Variants in TTN observed in about 807,000 individuals in gnomAD.
TTN encodes the protein titin.
In TTN, 1,525 loss-of-function variants were observed where a neutral mutation model predicts 3,223.0. The ratio of observed to expected loss-of-function variants is 0.47; its 90% CI spans 0.45 to 0.49. The LOEUF (loss-of-function observed/expected upper bound fraction) is 0.49, where lower values mean the gene tolerates loss of function less well. Among genes scored for constraint, TTN ranks in the 20% least tolerant of loss-of-function variants. The pLI is 0.00. For synonymous variants in TTN, 14,094 were observed against 15,161.0 expected (o/e 0.93, Z 5.17); for missense variants, 40,786 against 43,424.0 (o/e 0.94, Z 5.40).
Position 178,592,510 on chromosome 2 carries a change from C to T in TTN, c.59495G>A (p.Arg19832Lys), listed in dbSNP as rs1405596883. The T allele has an allele frequency of 6.2e-7, 1 of 1,613,494 alleles. No individual in the cohort carries two copies. The highest frequency in any genetic ancestry group is 8.5e-7 in the Non-Finnish European group (1 of 1,179,596). The change falls in exon 301 of 363, where the codon AGA becomes AAA. Residue 19832 changes from arginine (R) to lysine (K), a missense_variant. Transcript: ENST00000589042. ...KEDRDAPTKA[R>K]IDVTPVGSKL... ...GCTACCAACTGGAGTCACATCAATT[C>T]TTGCTTTAGTTGGAGCATCTCTGTC...
In TTN at chr2:178,560,736, C is replaced by T. The variant is rs878880701; in HGVS notation, c.85396G>A (p.Glu28466Lys). 3.1e-6 allele frequency: 5 copies of T among 1,613,740 alleles called. No individual in the cohort carries two copies. Among genetic ancestry groups the T allele is most frequent in the Non-Finnish European group, 3.4e-6 (4 of 1,179,804 alleles). Reference protein sequence around the residue: ...GPLEINGLTAEKCSLSWGRPQ... With the variant: ...GPLEINGLTAKKCSLSWGRPQ... ...CGTCCCCAGGAAAGAGAGCATTTCT[C>T]AGCAGTGAGGCCATTTATTTCAAGT... Residue 28466 changes from glutamate to lysine, a missense_variant, in exon 326 of 363, where the codon GAG becomes AAG. Transcript: ENST00000589042.
At position 178,636,781 on chromosome 2, in the gene TTN, G is replaced by A. The variant is rs771839127; in HGVS notation, c.40946C>T (p.Pro13649Leu). Residue 13649 changes from proline to leucine, a missense_variant, in exon 225 of 363, where the codon CCT becomes CTT. Pro to Leu is a moderately conservative substitution (Grantham distance 98). Transcript: ENST00000589042. The surrounding 1 kb of genome is among the most constrained non-coding windows in gnomAD (Gnocchi z 4.3). ...GPIKGVPKKT[P>L]SPIEAERRKL... ...TCTCCTTTCGGCTTCTATTGGTGAA[G>A]GAGTCTTTTTGGGTACACCTAATTC... The A allele has an allele frequency of 1.9e-6, 3 of 1,598,924 alleles. No homozygotes were observed. The highest frequency in any genetic ancestry group is 1.1e-5 in the South Asian group (1 of 89,020).
At position 178,575,180 on chromosome 2, in the gene TTN, ATGT is replaced by A. The variant is rs794729336; in HGVS notation, c.70949_70951del (p.Asn23650del). The A allele has an allele frequency of 3.7e-6, 6 of 1,612,710 alleles. No homozygotes were observed. The highest frequency in any genetic ancestry group is 5.1e-6 in the Non-Finnish European group (6 of 1,179,352). On this transcript the variant is annotated inframe_deletion, in exon 326 of 363. Coordinates refer to ENST00000589042, the MANE Select transcript of TTN (RefSeq NM_001267550.2). This position sits in a 1 kb window ranked among gnomAD's most constrained non-coding sequence, Gnocchi z 4.0. The stretch of plus-strand genomic sequence containing the variant: ...ACCGAGCACTGGAATTTCAACTTTG[ATGT>A]TGTCACCAGCTTTGGCAATGACCAG...
chr2:178,733,051 T>A lies in TTN; in HGVS notation c.16125A>T (p.Arg5375Ser). The stretch of plus-strand genomic sequence containing the variant: ...GGGAGCCTGCAATTTTGCAGTCCAG[T>A]CTGCAGGTACCATTAACAACACTAT... ...NVDSVVNGTC[R>S]LDCKIAGSLP... Residue 5375 changes from arginine (R) to serine (S), a missense_variant, in exon 55 of 363, where the codon AGA (arginine) becomes AGT (serine). Physicochemically the swap from Arg to Ser is moderately radical, Grantham distance 110 (BLOSUM62 -1). Transcript: ENST00000589042. 6.2e-7 allele frequency: 1 copy of A among 1,613,206 alleles called. No homozygotes were observed.
chr2:178,654,581 G>A, intron 191 of TTN, 47 bp from the exon 192 acceptor site: 1 of 1,419,484 alleles, frequency 7.0e-7, no homozygotes, highest in African/African-American at 1.6e-5. Flanking sequence ...GAAAATGATG[G>A]ATGCCTTTTG....
chr2:178,670,214 T>C lies in TTN; in HGVS notation c.35386+4A>G. On this transcript the variant is annotated splice_donor_region_variant and intron_variant, in intron 157 of 362. Transcript: ENST00000589042. Reference sequence around the variant, plus strand: ...ATTAATGATGAATGAGAAAAGCCAGTTACCTTTAGTTGGTGGAACTCTGGG... The same window carrying C: ...ATTAATGATGAATGAGAAAAGCCAGCTACCTTTAGTTGGTGGAACTCTGGG... 6.9e-7 allele frequency: 1 copy of C among 1,449,752 alleles called. No individual in the cohort carries two copies. The highest frequency in any genetic ancestry group is 9.1e-7 in the Non-Finnish European group (1 of 1,104,324). The allele number at this position is 1,449,752 out of a possible 1,614,324, so 89.8% of individuals were successfully genotyped here.
intron 130 of TTN, 60 bp from the exon 131 acceptor site, chr2:178,684,809 A>G (rs2070413821): frequency 6.4e-7 from 1 of 1,566,372 alleles, no homozygotes; most frequent in Admixed American, 1.8e-5. Flanking sequence ...AAACACAGGC[A>G]CACTTATTTT....
intron 145 of TTN, 96 bp from the exon 146 acceptor site, chr2:178,678,013 C>T (rs1010814945): frequency 3.5e-5 from 54 of 1,555,318 alleles, no homozygotes; most frequent in Non-Finnish European, 4.6e-5. Flanking sequence ...TCTGTGATCA[C>T]AAAGCATCAA....
rs746456662 is a variant in TTN at position 178,587,746 on chromosome 2, G to C, written c.63563C>G (p.Ala21188Gly). The change falls in exon 306 of 363, where the codon GCA (alanine) becomes GGA (glycine). Residue 21188 changes from alanine to glycine, a missense_variant. By Grantham distance (60) the Ala-to-Gly change is moderately conservative (BLOSUM62 0). Coordinates refer to ENST00000589042, the MANE Select transcript of TTN (RefSeq NM_001267550.2). ...AGCAAAGAGACGAATAGGGCATCCT[G>C]CTCTCACTATGACCAGTTTCCTCAT... ...ASMRKLVIVRAGCPIRLFAIV... is the reference protein window; with the variant it reads ...ASMRKLVIVRGGCPIRLFAIV... The C allele has an allele frequency of 6.2e-7, 1 of 1,612,224 alleles. No homozygotes were observed. The highest frequency in any genetic ancestry group is 8.5e-7 in the Non-Finnish European group (1 of 1,179,008).
rs1405722276 is a variant in TTN at position 178,704,232 on chromosome 2, G to A, written c.30138C>T (p.Thr10046=). 4 of 1,613,952 alleles carry A rather than the reference G, an allele frequency of 2.5e-6. No homozygotes were observed. The highest frequency in any genetic ancestry group is 3.4e-6 in the Non-Finnish European group (4 of 1,179,876). Residue 10046 remains threonine, a synonymous_variant, in exon 106 of 363, where the codon ACC becomes ACT. Transcript: ENST00000589042. ...TEVEHKVHKL[T]IADVRAEDQG... is the part of the protein sequence containing the mutation. ...GGTCTTCTGCTCGAACATCTGCAAT[G>A]GTCAATTTATGGACTTTGTGTTCCA...
chr2:178,743,547 C>G (rs1397355933), intron 47 of TTN, among the ~76,000 whole-genome samples: 7 of 151,876 alleles, frequency 4.6e-5, no homozygotes, highest in Non-Finnish European at 1.0e-4. Context: ...GCCCTCTTTA[C>G]TATATGAATA....
intron 273 of TTN, 111 bp from the exon 274 acceptor site, chr2:178,609,019 A>G (rs2055625606): frequency 1.4e-6 from 2 of 1,389,902 alleles, no homozygotes; most frequent in South Asian, 2.7e-5. Flanking sequence ...TCCCACATCT[A>G]TCTTTGTATT....
intron 47 of TTN, chr2:178,751,860 A>G: frequency 6.2e-7 from 1 of 1,609,270 alleles, no homozygotes; most frequent in South Asian, 1.1e-5. Flanking sequence ...TCTAAAACAT[A>G]TTTAAATGTA....
rs1328343991 is a variant in TTN, at chr2:178,618,830, C to T, written c.46720G>A (p.Asp15574Asn). ...LAAAPKIKTA[D>N]QDLVVDVGKP... Reference sequence around the variant, plus strand: ...CCAACATCAACCACAAGGTCTTGGTCAGCTGTCTTGATTTTTGGTGCAGCT... The same window carrying T: ...CCAACATCAACCACAAGGTCTTGGTTAGCTGTCTTGATTTTTGGTGCAGCT... The change falls in exon 251 of 363, where the codon GAC becomes AAC. Residue 15574 changes from aspartate (D) to asparagine (N), a missense_variant. Transcript: ENST00000589042. 6.2e-7 allele frequency: 1 copy of T among 1,609,926 alleles called. No individual in the cohort carries two copies. Among genetic ancestry groups the T allele is most frequent in the African/African-American group, 1.3e-5 (1 of 74,734 alleles).
chr2:178,778,439 C>T (rs1043446397), intron 24 of TTN: 16 of 254,984 alleles, frequency 6.3e-5, no homozygotes, highest in African/African-American at 3.4e-4. Flanking sequence ...AACAAGACTC[C>T]ATCTACACAT....
intron 349 of TTN, chr2:178,542,053 A>T (rs896403417): frequency 5.8e-6 from 2 of 347,354 alleles, no homozygotes; most frequent in South Asian, 7.5e-5. Flanking sequence ...TGAAGATATT[A>T]AAAAAAAAAT....
chr2:178,685,677 A>G, intron 127 of TTN, 79 bp from the exon 128 acceptor site: 5 of 1,410,266 alleles, frequency 3.5e-6, no homozygotes, highest in Non-Finnish European at 4.9e-6. Context: ...ATCACTTCAA[A>G]GAGTAATCAA....
In TTN at chr2:178,575,672, G is replaced by A; in HGVS notation, c.70460C>T (p.Thr23487Ile). The A allele has an allele frequency of 2.5e-6, 4 of 1,613,602 alleles. No homozygotes were observed. Among genetic ancestry groups the A allele is most frequent in the South Asian group, 1.1e-5 (1 of 91,070 alleles). ...ATRKSYSTAT[T>I]KCHKCTYKVT... The stretch of plus-strand genomic sequence containing the variant: ...TTTATATGTGCATTTATGGCACTTA[G>A]TGGTGGCTGTGGAATAAGATTTCCG... The change falls in exon 326 of 363, where the codon ACT becomes ATT. Residue 23487 changes from threonine to isoleucine, a missense_variant. Coordinates refer to ENST00000589042, the MANE Select transcript of TTN (RefSeq NM_001267550.2). The surrounding 1 kb of genome is among the most constrained non-coding windows in gnomAD (Gnocchi z 4.0).
Position 178,553,360 on chromosome 2 carries a change from G to A in TTN, c.89540C>T (p.Thr29847Ile), listed in dbSNP as rs760372724. 2 of 1,599,718 alleles carry A rather than the reference G, an allele frequency of 1.3e-6. No homozygotes were observed. Among genetic ancestry groups the A allele is most frequent in the South Asian group, 2.2e-5 (2 of 90,654 alleles). The change falls in exon 335 of 363, where the codon ACT becomes ATT. Residue 29847 changes from threonine to isoleucine, a missense_variant. Thr to Ile is a moderately conservative substitution (Grantham distance 89). Coordinates refer to ENST00000589042, the MANE Select transcript of TTN (RefSeq NM_001267550.2). ...TTCACCAGCTTTGGCAATAACAGAA[G>A]TTCTGAGAGCCACATCCAGGTCAAT... ...PEIDLDVALR[T>I]SVIAKAGEDV...
Sources: allele counts gnomAD v4.1 joint callset (sites outside exome capture counted in the v4.1 genomes callset), GRCh38; gene constraint gnomAD v4.1.1; non-coding constraint Gnocchi (gnomAD v3.1); transcripts MANE v1.5; gene names NCBI Gene and HGNC (gene_info 2026-07-23, HGNC 2026-07-21).